Variants in SAMD12 observed in about 807,000 individuals in gnomAD.
SAMD12 encodes sterile alpha motif domain containing 12, also known as sterile alpha motif domain-containing protein 12.
Under a neutral mutation model 15.0 loss-of-function variants are expected in SAMD12, and 9 were observed. The ratio of observed to expected loss-of-function variants is 0.60; its 90% CI spans 0.36 to 1.05. The LOEUF is 1.05. SAMD12 is among the 50% of genes least tolerant of loss of function. The pLI, the probability that SAMD12 is intolerant of heterozygous loss-of-function variation, is 0.01. For missense variants in SAMD12, 230 were observed against 234.2 expected (o/e 0.98, Z 0.12); for synonymous variants, 86 against 90.1 (o/e 0.96, Z 0.25).
intron 2 of SAMD12, among the ~76,000 whole-genome samples, chr8:118,567,515 A>G (rs556459841): frequency 6.6e-6 from 1 of 152,318 alleles, no homozygotes; most frequent in Admixed American, 6.5e-5. Context: ...TAAGCTACAC[A>G]ATACACAAGT....
At chr8:118,214,513 A>C (rs1811910186) in intron 4 of SAMD12, among the ~76,000 whole-genome samples, 1 of 152,240 alleles carries the variant, frequency 6.6e-6, no homozygotes, top group African/African-American at 2.4e-5. Context: ...GTTCAGCTAA[A>C]GAGGCTTAAG....
intron 4 of SAMD12, among the ~76,000 whole-genome samples, chr8:118,289,962 G>C (rs1814274589): frequency 6.6e-6 from 1 of 152,094 alleles, no homozygotes; most frequent in Non-Finnish European, 1.5e-5. Context: ...ATTCATTCAA[G>C]AGAGATATCT....
chr8:118,253,251 A>G (rs576153115), intron 4 of SAMD12, among the ~76,000 whole-genome samples: 1 of 152,294 alleles, frequency 6.6e-6, no homozygotes, highest in East Asian at 1.9e-4. Context: ...GCAGTGTACT[A>G]TTAGCTCTCT....
intron 2 of SAMD12, among the ~76,000 whole-genome samples, chr8:118,466,011 C>A (rs908123944): frequency 6.6e-6 from 1 of 152,122 alleles, no homozygotes; most frequent in African/African-American, 2.4e-5. Context: ...TAAAAGGAAA[C>A]TAGCATATTA....
chr8:118,477,308 C>T (rs1040529289), intron 2 of SAMD12, among the ~76,000 whole-genome samples: 19 of 152,124 alleles, frequency 1.2e-4, no homozygotes, highest in Middle Eastern at 3.4e-3. Flanking sequence ...TCAAGTGATC[C>T]GCCCACTTCA....
chr8:118,531,458 T>C (rs1375937149), intron 2 of SAMD12, among the ~76,000 whole-genome samples: 1 of 152,244 alleles, frequency 6.6e-6, no homozygotes, highest in Non-Finnish European at 1.5e-5. Context: ...TTTCCAATTC[T>C]GTGAAGAAAG....
chr8:118,388,162 C>T (rs371511401), intron 3 of SAMD12, among the ~76,000 whole-genome samples: 4 of 152,042 alleles, frequency 2.6e-5, no homozygotes, highest in Non-Finnish European at 5.9e-5. Context: ...AGATGGAGAC[C>T]GAAGAACCAG....
intron 4 of SAMD12, among the ~76,000 whole-genome samples, chr8:118,269,125 ACT>A (rs1813274667): frequency 6.9e-6 from 1 of 143,892 alleles, no homozygotes; most frequent in Non-Finnish European, 1.5e-5. Flanking sequence ...AAATTTTTGC[ACT>A]GTCCTCTTTC....
At chr8:118,298,956 C>G (rs749801998) in intron 4 of SAMD12, among the ~76,000 whole-genome samples, 1 of 152,036 alleles carries the variant, frequency 6.6e-6, no homozygotes, top group Non-Finnish European at 1.5e-5. Flanking sequence ...GAATAATAAG[C>G]ACTGTTTTGT....
chr8:118,231,545 T>C (rs1198259364), intron 4 of SAMD12, among the ~76,000 whole-genome samples: 1 of 152,214 alleles, frequency 6.6e-6, no homozygotes, highest in East Asian at 1.9e-4. Flanking sequence ...TTTGGTAGTT[T>C]GCAGTTCTTT....
At chr8:118,520,979 C>G (rs769187808) in intron 2 of SAMD12, among the ~76,000 whole-genome samples, 2 of 152,098 alleles carry the variant, frequency 1.3e-5, no homozygotes, top group African/African-American at 4.8e-5. Context: ...TTTGCTCAAG[C>G]ACTAAAGATT....
In SAMD12 at chr8:118,502,015, G is replaced by A. The variant is rs558597006; in HGVS notation, c.193-62054C>T. Among the ~76,000 whole-genome samples, 881 of 113,138 alleles carry A rather than the reference G, an allele frequency of 7.8e-3. 7 individuals are homozygous for A. Among genetic ancestry groups the A allele is most frequent in the Middle Eastern group, 0.022 (4 of 186 alleles). 74.2% of individuals were successfully genotyped at this position (113,138 alleles called of 152,430 possible). A position where few individuals can be genotyped will look rare whatever the true frequency, so the allele number is the denominator to read the frequency against. On this transcript the variant is annotated intron_variant, in intron 2 of 3. Coordinates refer to ENST00000314727, the MANE Select transcript of SAMD12 (RefSeq NM_207506.3). ...AGCCTGGGCAACAGAGCGAGACTCC[G>A]TCTCAAAAAAAAAAAAAAAAAAAAA...
chr8:118,151,935 G>C, the SAMD12 span, among the ~76,000 whole-genome samples: 1 of 151,990 alleles, frequency 6.6e-6, no homozygotes, highest in Non-Finnish European at 1.5e-5. Context: ...GTGGAGTGCA[G>C]ACTCTTTGCA....
chr8:118,315,350 A>G (rs1815838699), intron 4 of SAMD12, among the ~76,000 whole-genome samples: 1 of 152,202 alleles, frequency 6.6e-6, no homozygotes, highest in South Asian at 2.1e-4. Flanking sequence ...CAATATAGAT[A>G]TTCACCTTGA....
At chr8:118,484,005 A>T (rs2130996660) in intron 2 of SAMD12, among the ~76,000 whole-genome samples, 1 of 152,330 alleles carries the variant, frequency 6.6e-6, no homozygotes, top group South Asian at 2.1e-4. Context: ...TAGCTATATG[A>T]AGTTCATTCT....
intron 2 of SAMD12, among the ~76,000 whole-genome samples, chr8:118,541,351 T>TC (rs776625440): frequency 2.6e-5 from 4 of 152,220 alleles, no homozygotes; most frequent in Non-Finnish European, 5.9e-5. Context: ...TTGTAGCTAA[T>TC]CTGAAACTGC....
intron 4 of SAMD12, among the ~76,000 whole-genome samples, chr8:118,268,954 T>G (rs1285432039): frequency 6.6e-6 from 1 of 152,190 alleles, no homozygotes; most frequent in Non-Finnish European, 1.5e-5. Flanking sequence ...AGGATAAATA[T>G]TCAGCCACCA....
intron 2 of SAMD12, among the ~76,000 whole-genome samples, chr8:118,490,880 C>T (rs1824422699): frequency 1.3e-5 from 2 of 151,936 alleles, no homozygotes; most frequent in Admixed American, 1.3e-4. Flanking sequence ...GAAATGAAGC[C>T]TTTTCTTTGG....
the SAMD12 span, among the ~76,000 whole-genome samples, chr8:118,164,884 AC>A: frequency 1.3e-5 from 2 of 151,674 alleles, no homozygotes; most frequent in Non-Finnish European, 2.9e-5. Flanking sequence ...TATGCATTCC[AC>A]ATATGCATAT....
Sources: allele counts gnomAD v4.1 joint callset (sites outside exome capture counted in the v4.1 genomes callset), GRCh38; gene constraint gnomAD v4.1.1; transcripts MANE v1.5; gene names NCBI Gene and HGNC (gene_info 2026-07-23, HGNC 2026-07-21).